Variants in SYCP2L observed in about 807,000 individuals in gnomAD.
SYCP2L encodes the protein synaptonemal complex protein 2 like.
SYCP2L carries 98 observed loss-of-function variants against 125.8 expected under a neutral mutation model. That is an observed-to-expected ratio of 0.78 (90% confidence interval 0.66 to 0.92). The LOEUF is 0.92. Ranked by LOEUF, SYCP2L falls within the 40% of genes least tolerant of loss-of-function variation. The pLI, the probability that SYCP2L is intolerant of heterozygous loss-of-function variation, is 0.00. For synonymous variants in SYCP2L, 317 were observed against 325.4 expected (o/e 0.97, Z 0.28); for missense variants, 842 against 936.4 (o/e 0.90, Z 1.32).
At chr6:10,960,585 G>C (rs1781576729) in intron 26 of SYCP2L, among the ~76,000 whole-genome samples, 2 of 152,158 alleles carry the variant, frequency 1.3e-5, no homozygotes, top group Non-Finnish European at 1.5e-5. Flanking sequence ...AGAAATGTTA[G>C]AGCTAAAATG....
chr6:10,960,353 T>A lies in SYCP2L; in HGVS notation c.2256-952T>A, dbSNP rs527987226. On this transcript the variant is annotated intron_variant, in intron 26 of 29. Coordinates refer to ENST00000283141, the MANE Select transcript of SYCP2L (RefSeq NM_001040274.3). ...CTTTGGATTGGTGGAATTCCCATGC[T>A]CTTTCAGGGGCACACAGTTATCTGT... Among the ~76,000 whole-genome samples the A allele has an allele frequency of 4.6e-5, 7 of 152,316 alleles. No homozygotes were observed. In the East Asian group the frequency reaches 1.2e-3, roughly 25 times the overall value.
At chr6:10,952,273 G>A (rs1334220856) in intron 23 of SYCP2L, among the ~76,000 whole-genome samples, 1 of 152,238 alleles carries the variant, frequency 6.6e-6, no homozygotes, top group Non-Finnish European at 1.5e-5. Flanking sequence ...TCTCTGGAGA[G>A]CCATGCCTTT....
intron 29 of SYCP2L, among the ~76,000 whole-genome samples, chr6:10,966,846 C>A (rs1054643050): frequency 2.0e-5 from 3 of 151,920 alleles, no homozygotes; most frequent in Non-Finnish European, 4.4e-5. Flanking sequence ...AGGGAAGGCA[C>A]AATGAAATTT....
chr6:10,956,600 T>C (rs367743807), intron 25 of SYCP2L, among the ~76,000 whole-genome samples: 18 of 152,270 alleles, frequency 1.2e-4, no homozygotes, highest in African/African-American at 4.1e-4. Flanking sequence ...AATGAATATG[T>C]TAATTTGCTT....
chr6:10,887,297 T>C (rs1462079750), intron 1 of SYCP2L, among the ~76,000 whole-genome samples, 162 bp downstream of exon 1: 1 of 152,158 alleles, frequency 6.6e-6, no homozygotes, highest in Non-Finnish European at 1.5e-5. Flanking sequence ...TCGGAGTGTA[T>C]TGGCAGCCTG....
intron 29 of SYCP2L, among the ~76,000 whole-genome samples, chr6:10,965,461 T>G (rs972695688): frequency 1.3e-5 from 2 of 152,216 alleles, no homozygotes; most frequent in Admixed American, 1.3e-4. Context: ...ACATTTTAAC[T>G]GGCAGATGTC....
intron 5 of SYCP2L, among the ~76,000 whole-genome samples, chr6:10,898,530 T>C (rs1290773240): frequency 1.2e-4 from 19 of 152,102 alleles, no homozygotes; most frequent in Admixed American, 1.1e-3. Context: ...CAAAAGACTC[T>C]CGTGTTTTAT....
rs971329468 is a variant in SYCP2L, at chr6:10,966,249, C to T, written c.*37+2406C>T. On this transcript the variant is annotated intron_variant, in intron 29 of 29. Transcript: ENST00000283141. The stretch of plus-strand genomic sequence containing the variant: ...TTATTCCAGGAATGCAAAGATGGTT[C>T]GATATTAGGGAATCTACTAATACAT... Among the ~76,000 whole-genome samples the T allele has an allele frequency of 7.9e-5, 12 of 152,084 alleles. No individual in the cohort carries two copies. The East Asian group carries it at 1.7e-3, about 22-fold the overall frequency.
chr6:10,927,402 A>C, intron 17 of SYCP2L, 35 bp downstream of exon 17: 1 of 1,562,306 alleles, frequency 6.4e-7, no homozygotes, highest in Non-Finnish European at 8.8e-7. Flanking sequence ...AGCATCGGCC[A>C]GGTTGAGAAA....
In SYCP2L at chr6:10,942,720, A is replaced by G. The variant is rs745777487; in HGVS notation, c.1928A>G (p.His643Arg). The change falls in exon 23 of 30, where the codon CAT (histidine) becomes CGT (arginine). Residue 643 changes from histidine (H) to arginine (R), a missense_variant. His to Arg is a conservative substitution (Grantham distance 29, BLOSUM62 0). Coordinates refer to ENST00000283141, the MANE Select transcript of SYCP2L (RefSeq NM_001040274.3). ...CTAACAGAAAGTACTAGCTTGAAAC[A>G]TAAGCTGAGAAACTTGGAAGACAAA... is the stretch of plus-strand genomic sequence containing the variant. Reference protein sequence around the residue: ...ESLTESTSLKHKLRNLEDKDI... With the variant: ...ESLTESTSLKRKLRNLEDKDI... The G allele has an allele frequency of 1.2e-6, 2 of 1,613,208 alleles. No individual in the cohort carries two copies. Among genetic ancestry groups the G allele is most frequent in the South Asian group, 1.1e-5 (1 of 90,952 alleles).
rs1180184673 is a variant in SYCP2L at position 10,898,035 on chromosome 6, A to G, written c.361A>G (p.Thr121Ala). ...PKLVSWFERT[T>A]GILTSEGLAS... ...CCTAGTTTCCTGGTTTGAAAGAACA[A>G]CAGGAATTCTGACCTCGGAAGGCCT... Residue 121 changes from threonine (T) to alanine (A), a missense_variant, in exon 5 of 30, where the codon ACA (threonine) becomes GCA (alanine). Physicochemically the swap from Thr to Ala is moderately conservative, Grantham distance 58 (BLOSUM62 0). Coordinates refer to ENST00000283141, the MANE Select transcript of SYCP2L (RefSeq NM_001040274.3). The G allele has an allele frequency of 1.9e-6, 3 of 1,614,056 alleles. No homozygotes were observed. Among genetic ancestry groups the G allele is most frequent in the Non-Finnish European group, 2.5e-6 (3 of 1,179,884 alleles).
At chr6:10,895,968 C>A (rs560525092) in intron 4 of SYCP2L, among the ~76,000 whole-genome samples, 1 of 152,120 alleles carries the variant, frequency 6.6e-6, no homozygotes, top group Non-Finnish European at 1.5e-5. Flanking sequence ...GCCTTGCCAA[C>A]ATGGTGAAAC....
chr6:10,909,879 G>A (rs1003023015), intron 10 of SYCP2L, among the ~76,000 whole-genome samples: 3 of 152,156 alleles, frequency 2.0e-5, no homozygotes, highest in Admixed American at 1.3e-4. Flanking sequence ...ACATAACCAG[G>A]CATTTAACTT....
chr6:10,912,769 A>G lies in SYCP2L; in HGVS notation c.1011+4A>G, dbSNP rs1421507561. 9 of 1,612,364 alleles carry G rather than the reference A, an allele frequency of 5.6e-6. No individual in the cohort carries two copies. Among genetic ancestry groups the G allele is most frequent in the Non-Finnish European group, 5.9e-6 (7 of 1,178,650 alleles). ...TTTTTATATAGACAATGCTGAGGTA[A>G]TGATGTTCGATTCTTGGTTAGAACT... On this transcript the variant is annotated splice_donor_region_variant and intron_variant, in intron 13 of 29. Transcript: ENST00000283141. The surrounding 1 kb of genome is among the most constrained non-coding windows in gnomAD (Gnocchi z 4.1).
Position 10,910,024 on chromosome 6 carries a change from G to A in SYCP2L, c.820-124G>A, listed in dbSNP as rs553359010. The stretch of plus-strand genomic sequence containing the variant: ...ACATATAATAACAAATCCTTGTAAA[G>A]CCTCATTGATGTTACTGCCTCCTGG... On this transcript the variant is annotated intron_variant, in intron 10 of 29. Transcript: ENST00000283141. 10 of 683,744 alleles carry A rather than the reference G, an allele frequency of 1.5e-5. No individual in the cohort carries two copies. The East Asian group carries it at 2.5e-4, about 17-fold the overall frequency. The allele number at this position is 683,744 out of a possible 1,614,324, so 42.4% of individuals were successfully genotyped here. A position where few individuals can be genotyped will look rare whatever the true frequency, so the allele number is the denominator to read the frequency against.
intron 23 of SYCP2L, among the ~76,000 whole-genome samples, chr6:10,950,752 C>A (rs1019485092): frequency 3.3e-5 from 5 of 152,062 alleles, no homozygotes; most frequent in African/African-American, 1.2e-4. Context: ...CTTCGATCTC[C>A]CAGGCTTAAG....
intron 10 of SYCP2L, among the ~76,000 whole-genome samples, chr6:10,907,892 G>GTT (rs551103839): frequency 0.032 from 2,896 of 91,888 alleles, 364 homozygotes; most frequent in African/African-American, 0.088. Flanking sequence ...ATACAGATAG[G>GTT]TTTTTTTTTT....
chr6:10,927,128 A>T, intron 16 of SYCP2L, 112 bp from the exon 17 acceptor site: 9 of 1,483,516 alleles, frequency 6.1e-6, no homozygotes, highest in Non-Finnish European at 8.1e-6. Flanking sequence ...CCTAATTACC[A>T]GGTCTTACCA....
intron 21 of SYCP2L, among the ~76,000 whole-genome samples, chr6:10,940,188 T>A (rs1223854784): frequency 6.6e-6 from 1 of 152,172 alleles, no homozygotes; most frequent in African/African-American, 2.4e-5. Context: ...AGATAACAAG[T>A]GTTGGCAAGG....
Sources: gnomAD v4.1 joint callset for allele counts (sites outside exome capture counted in the v4.1 genomes callset) on GRCh38, gnomAD v4.1.1 for gene constraint, Gnocchi (gnomAD v3.1) non-coding constraint, MANE v1.5 for transcripts, NCBI Gene and HGNC (gene_info 2026-07-23, HGNC 2026-07-21) for gene names.